The following ERC2 variants were observed in gnomAD, a reference collection of about 807,000 sequenced individuals.
The protein encoded by ERC2 is ERC protein 2.
In ERC2, 42 loss-of-function variants were observed where a neutral mutation model predicts 114.8. The observed-to-expected ratio is 0.37, with a 90% CI of 0.29 to 0.47. The LOEUF (loss-of-function observed/expected upper bound fraction) is 0.47. ERC2 is among the 20% of genes least tolerant of loss of function. ERC2 has a pLI of 0.99. For missense variants in ERC2, 939 were observed against 1,150.7 expected, an observed-to-expected ratio of 0.82 and a Z score of 2.66; for synonymous variants, 454 against 425.5, an observed-to-expected ratio of 1.07 and a Z score of -0.82.
chr3:56,310,928 G>C (rs1047603133), intron 2 of ERC2, among the ~76,000 whole-genome samples: 1 of 151,792 alleles, frequency 6.6e-6, no homozygotes, highest in Admixed American at 6.6e-5. Context: ...AGATTATTTG[G>C]TAATGGAAAG....
intron 17 of ERC2, among the ~76,000 whole-genome samples, chr3:55,588,584 C>G (rs1420017512): frequency 6.6e-6 from 1 of 152,194 alleles, no homozygotes; most frequent in East Asian, 1.9e-4. Flanking sequence ...ATCAGCACCA[C>G]AGTCAGAAGA....
chr3:55,512,723 C>T (rs1303881321), intron 17 of ERC2, among the ~76,000 whole-genome samples: 1 of 152,198 alleles, frequency 6.6e-6, no homozygotes, highest in Non-Finnish European at 1.5e-5. Context: ...AGATTTCCAG[C>T]TGGGCAGCAG....
At chr3:56,433,729 T>A (rs567422837) in intron 2 of ERC2, 2 of 153,594 alleles carry the variant, frequency 1.3e-5, no homozygotes, top group South Asian at 4.1e-4. Flanking sequence ...AAGAAGAGTA[T>A]GAAGGTGACT....
rs2061523779 is a variant in ERC2, at chr3:55,850,467, A to C, written c.2564+37922T>G. On this transcript the variant is annotated intron_variant, in intron 14 of 17. Transcript: ENST00000288221. ...AACTATTTATAGAGGAAGAAGATAA[A>C]GACATAGGAAGGCCTCCCAATCTTC... Among the ~76,000 whole-genome samples, 2 of 152,222 alleles carry C rather than the reference A, an allele frequency of 1.3e-5. 1 individual carries two copies. Among genetic ancestry groups the C allele is most frequent in the South Asian group, 4.1e-4 (2 of 4,834 alleles).
intron 17 of ERC2, among the ~76,000 whole-genome samples, chr3:55,629,598 G>A (rs2059662290): frequency 6.6e-6 from 1 of 152,212 alleles, no homozygotes; most frequent in African/African-American, 2.4e-5. Flanking sequence ...AAAGAGACTA[G>A]CTGTTCCCTG....
chr3:55,719,238 G>C (rs1022338536), intron 15 of ERC2, among the ~76,000 whole-genome samples: 16 of 152,162 alleles, frequency 1.1e-4, no homozygotes, highest in Non-Finnish European at 7.3e-5. Flanking sequence ...GAGCAGTCAT[G>C]CTGTGTCCTC....
At chr3:56,052,421 C>G (rs1203002299) in intron 7 of ERC2, among the ~76,000 whole-genome samples, 1 of 152,236 alleles carries the variant, frequency 6.6e-6, no homozygotes, top group Non-Finnish European at 1.5e-5. Context: ...TCCGGCCCAC[C>G]ACCTGTTTTT....
chr3:55,878,477 C>T (rs2062968513), intron 14 of ERC2, among the ~76,000 whole-genome samples: 1 of 152,208 alleles, frequency 6.6e-6, no homozygotes, highest in Non-Finnish European at 1.5e-5. Context: ...CTGCTTTCTA[C>T]TATTTAATTA....
intron 17 of ERC2, among the ~76,000 whole-genome samples, chr3:55,566,949 C>T (rs984612619): frequency 6.6e-6 from 1 of 152,176 alleles, no homozygotes; most frequent in African/African-American, 2.4e-5. Flanking sequence ...GATCTGCCTG[C>T]CTTGGCCTCC....
intron 14 of ERC2, among the ~76,000 whole-genome samples, chr3:55,832,575 C>G (rs897514875): frequency 1.3e-5 from 2 of 152,220 alleles, no homozygotes; most frequent in African/African-American, 4.8e-5. Context: ...AACTAACAAA[C>G]AGAAAGAATA....
chr3:55,639,061 T>C (rs1254036098), intron 17 of ERC2, among the ~76,000 whole-genome samples: 1 of 152,184 alleles, frequency 6.6e-6, no homozygotes, highest in Non-Finnish European at 1.5e-5. Flanking sequence ...AAATTGCTCA[T>C]TGGATTCAGG....
At chr3:55,530,882 T>C (rs2053623638) in intron 17 of ERC2, among the ~76,000 whole-genome samples, 1 of 152,142 alleles carries the variant, frequency 6.6e-6, no homozygotes, top group South Asian at 2.1e-4. Context: ...CCAGAACACC[T>C]TTCCATCTCA....
At chr3:55,698,890 T>C (rs1344398229) in intron 16 of ERC2, among the ~76,000 whole-genome samples, 1 of 152,130 alleles carries the variant, frequency 6.6e-6, no homozygotes, top group Admixed American at 6.5e-5. Context: ...CCAAATCAAA[T>C]AAACCAGACT....
chr3:55,733,542 TCACACACACACACACACA>T lies in ERC2; in HGVS notation c.2712+1211_2712+1228del, dbSNP rs58311179. ...CTGTCTCTCATTCTTTCTCTCTCTC[TCACACACACACACACACA>T]CACACACACACACACACACACACAC... On this transcript the variant is annotated intron_variant, in intron 15 of 17. Coordinates refer to ENST00000288221, the MANE Select transcript of ERC2 (RefSeq NM_015576.3). Among the ~76,000 whole-genome samples the T allele has an allele frequency of 8.2e-4, 89 of 107,884 alleles. 1 individual carries two copies. Among genetic ancestry groups the T allele is most frequent in the African/African-American group, 3.1e-3 (84 of 27,394 alleles). 70.8% of individuals were successfully genotyped at this position (107,884 alleles called of 152,430 possible). A position where few individuals can be genotyped will look rare whatever the true frequency, so the allele number is the denominator to read the frequency against.
rs371754235 is a variant in ERC2 at position 55,950,469 on chromosome 3, G to A, written c.2359C>T (p.Arg787Cys). The A allele has an allele frequency of 4.0e-5, 64 of 1,613,894 alleles. No individual in the cohort carries two copies. The highest frequency in any genetic ancestry group is 3.0e-4 in the South Asian group (27 of 91,084). ...KKNAQLLEEV[R>C]RREDSMADNS... ...TCAGCCATGCTGTCTTCTCGCCTGC[G>A]CACTTCTTCTAGTAACTGAGCATTT... is the stretch of plus-strand genomic sequence containing the variant. Residue 787 changes from arginine (R) to cysteine (C), a missense_variant, in exon 13 of 18, where the codon CGC becomes TGC. Physicochemically the swap from Arg to Cys is radical, Grantham distance 180. Coordinates refer to ENST00000288221, the MANE Select transcript of ERC2 (RefSeq NM_015576.3).
chr3:55,669,943 C>A (rs779666807), intron 17 of ERC2, among the ~76,000 whole-genome samples: 7 of 152,156 alleles, frequency 4.6e-5, no homozygotes, highest in Non-Finnish European at 1.0e-4. Context: ...GAGATATTGA[C>A]GTGGCAAGCC....
intron 14 of ERC2, among the ~76,000 whole-genome samples, chr3:55,841,486 T>G (rs773053599): frequency 1.4e-4 from 22 of 152,208 alleles, no homozygotes; most frequent in Admixed American, 8.5e-4. Flanking sequence ...GTCTTTCCTT[T>G]ATAAATTACC....
chr3:56,088,497 G>C lies in ERC2; in HGVS notation c.1474-7513C>G, dbSNP rs185961530. Among the ~76,000 whole-genome samples the C allele has an allele frequency of 1.9e-4, 29 of 152,182 alleles. No homozygotes were observed. The East Asian group carries it at 5.0e-3, about 26-fold the overall frequency. On this transcript the variant is annotated intron_variant, in intron 6 of 17. Transcript: ENST00000288221. ...AAAAAATGACAGAGGGCCAAAGACAGAGCTAAGAGGAAGAAGCAGTAGAAC... is the reference window on the plus strand; with the variant it reads ...AAAAAATGACAGAGGGCCAAAGACACAGCTAAGAGGAAGAAGCAGTAGAAC...
At chr3:55,544,227 A>G (rs1184610982) in intron 17 of ERC2, among the ~76,000 whole-genome samples, 2 of 151,612 alleles carry the variant, frequency 1.3e-5, no homozygotes, top group Non-Finnish European at 2.9e-5. Flanking sequence ...TTAGAGTTAT[A>G]CTCCTCCTTG....
Sources: allele counts gnomAD v4.1 joint callset (sites outside exome capture counted in the v4.1 genomes callset), GRCh38; gene constraint gnomAD v4.1.1; transcripts MANE v1.5; gene names NCBI Gene and HGNC (gene_info 2026-07-23, HGNC 2026-07-21).